WDR54: variants seen among roughly 807,000 people sequenced by gnomAD.
WDR54 encodes the protein WD repeat-containing protein 54.
WDR54 carries 44 observed loss-of-function variants against 44.1 expected under a neutral mutation model. That is an observed-to-expected ratio of 1.00 (90% CI 0.78 to 1.28). The LOEUF is 1.28. Ranked by LOEUF, WDR54 falls within the 50% of genes most tolerant of loss-of-function variation. The pLI, the probability that WDR54 is intolerant of heterozygous loss-of-function variation, is 0.00. For synonymous variants in WDR54, 169 were observed against 169.8 expected, an observed-to-expected ratio of 1.00 and a Z score of 0.04; for missense variants, 409 against 429.7, an observed-to-expected ratio of 0.95 and a Z score of 0.43.
chr2:74,422,108 G>A, intron 1 of WDR54, 45 bp from the exon 2 acceptor site: 2 of 1,589,930 alleles, frequency 1.3e-6, no homozygotes. Context: ...TCTCCGCTGC[G>A]TCTGTTTGTA....
chr2:74,422,604 A>G (rs1670167091), intron 2 of WDR54: 1 of 617,916 alleles, frequency 1.6e-6, no homozygotes, highest in Non-Finnish European at 2.8e-6. Context: ...AGCCTGGCCA[A>G]CATGGTGAAA....
At position 74,422,887 on chromosome 2, in the gene WDR54, C is replaced by A. The variant is rs1452483441; in HGVS notation, c.240C>A (p.Leu80=). ...PLITQVHWCV[L]PFRVLLVLTS... is the part of the protein sequence containing the mutation. ...CCCTCCAGGTCCACTGGTGTGTCCT[C>A]CCCTTCCGAGTGCTGCTGGTACTCA... Residue 80 remains leucine, a synonymous_variant, in exon 3 of 10, where the codon CTC becomes CTA. Coordinates refer to ENST00000348227, the MANE Select transcript of WDR54 (RefSeq NM_032118.4). 1 of 1,614,068 alleles carries A rather than the reference C, an allele frequency of 6.2e-7. No individual in the cohort carries two copies. Among genetic ancestry groups the A allele is most frequent in the African/African-American group, 1.3e-5 (1 of 74,992 alleles).
rs1000899475 is a variant in WDR54, at chr2:74,425,076, G to C, written c.637G>C (p.Val213Leu). The change falls in exon 8 of 10, where the codon GTT becomes CTT. Residue 213 changes from valine to leucine, a missense_variant and splice_region_variant. Transcript: ENST00000348227. Reference protein sequence around the residue: ...TLLTRIPGFGVPCPSVQLWQG... With the variant: ...TLLTRIPGFGLPCPSVQLWQG... Reference sequence around the variant, plus strand: ...CAAAGTTGGGTGTCACCCTTGCAGAGTTCCGTGCCCCTCTGTGCAGCTGTG... The same window carrying C: ...CAAAGTTGGGTGTCACCCTTGCAGACTTCCGTGCCCCTCTGTGCAGCTGTG... 6.2e-7 allele frequency: 1 copy of C among 1,607,370 alleles called. No individual in the cohort carries two copies.
rs560078827 is a variant in WDR54, at chr2:74,425,315, G to A, written c.798+78G>A. On this transcript the variant is annotated intron_variant, in intron 8 of 9. Coordinates refer to ENST00000348227, the MANE Select transcript of WDR54 (RefSeq NM_032118.4). Reference sequence around the variant, plus strand: ...GAGAGAACACCACAGGCTTGTCTTTGCAACTCAGTGTAGCCCCCTCCCCTG... The same window carrying A: ...GAGAGAACACCACAGGCTTGTCTTTACAACTCAGTGTAGCCCCCTCCCCTG... 112 of 1,563,404 alleles carry A rather than the reference G, an allele frequency of 7.2e-5. No homozygotes were observed. In the East Asian group the frequency reaches 2.5e-3, roughly 34 times the overall value.
rs778446745 is a variant in WDR54, at chr2:74,425,604, C to T, written c.908C>T (p.Thr303Ile). 3 of 1,614,230 alleles carry T rather than the reference C, an allele frequency of 1.9e-6. No individual in the cohort carries two copies. Among genetic ancestry groups the T allele is most frequent in the South Asian group, 1.1e-5 (1 of 91,086 alleles). ...TGTCATGGTGAGTGTGTCGCCGACA[C>T]CCAGCTGTGTGGTGCTCGATTTTGT... ...EHCHGECVAD[T>I]QLCGARFCDS... Residue 303 changes from threonine to isoleucine, a missense_variant, in exon 10 of 10, where the codon ACC becomes ATC. Transcript: ENST00000348227.
In WDR54 at chr2:74,424,935, G is replaced by A. The variant is rs745893629; in HGVS notation, c.595G>A (p.Gly199Arg). The change falls in exon 7 of 10, where the codon GGG becomes AGG. Residue 199 changes from glycine (G) to arginine (R), a missense_variant. By Grantham distance (125) the Gly-to-Arg change is moderately radical. Transcript: ENST00000348227. ...DSGLLCVWRSGPEFTLLTRIP... is the reference protein window; with the variant it reads ...DSGLLCVWRSRPEFTLLTRIP... Reference sequence around the variant, plus strand: ...AGGCTTGCTGTGTGTCTGGCGGTCAGGGCCAGAATTCACATTATTGACCCG... The same window carrying A: ...AGGCTTGCTGTGTGTCTGGCGGTCAAGGCCAGAATTCACATTATTGACCCG... The A allele has an allele frequency of 1.2e-6, 2 of 1,614,242 alleles. No homozygotes were observed. The highest frequency in any genetic ancestry group is 2.2e-5 in the South Asian group (2 of 91,080).
chr2:74,424,186 A>C (rs7607995), intron 6 of WDR54, among the ~76,000 whole-genome samples: 22,926 of 152,222 alleles, frequency 0.15, 2,115 homozygotes, highest in East Asian at 0.46. Context: ...AAGACTTTAT[A>C]ATACTGATGT....
In WDR54 at chr2:74,423,931, T is replaced by C; in HGVS notation, c.483T>C (p.Ala161=). 6.2e-7 allele frequency: 1 copy of C among 1,614,166 alleles called. No individual in the cohort carries two copies. The highest frequency in any genetic ancestry group is 8.5e-7 in the Non-Finnish European group (1 of 1,180,040). The stretch of plus-strand genomic sequence containing the variant: ...ACATTGTACTGAGCGAGGAGCTGGC[T>C]GGGCACCAGATGCCAATCACAGACA... ...GPNIVLSEEL[A]GHQMPITDIA... The change falls in exon 6 of 10, where the codon GCT becomes GCC. Residue 161 remains alanine, a synonymous_variant. Transcript: ENST00000348227.
rs1456280626 is a variant in WDR54, at chr2:74,423,333, T to C, written c.300T>C (p.Asn100=). Residue 100 remains asparagine, a synonymous_variant, in exon 4 of 10, where the codon AAT becomes AAC. Coordinates refer to ENST00000348227, the MANE Select transcript of WDR54 (RefSeq NM_032118.4). ...SHRGIQMYES[N]GYTMVYWHAL... The stretch of plus-strand genomic sequence containing the variant: ...CGGTCTTCCAGATGTACGAGTCCAA[T>C]GGCTACACCATGGTCTACTGGCATG... The C allele has an allele frequency of 1.2e-6, 2 of 1,613,902 alleles. No homozygotes were observed. The highest frequency in any genetic ancestry group is 1.7e-5 in the Admixed American group (1 of 60,038).
intron 8 of WDR54, 25 bp downstream of exon 8, chr2:74,425,262 A>G (rs753953472): frequency 7.8e-6 from 12 of 1,537,678 alleles, no homozygotes; most frequent in Non-Finnish European, 9.6e-6. Context: ...CTGTACCTAC[A>G]TACCCTTTTT....
rs776462356 is a variant in WDR54 at position 74,422,858 on chromosome 2, A to G, written c.223-12A>G. On this transcript the variant is annotated splice_polypyrimidine_tract_variant and intron_variant, in intron 2 of 9. Coordinates refer to ENST00000348227, the MANE Select transcript of WDR54 (RefSeq NM_032118.4). ...TTTGATTTTCTCCCTACACTGATGC[A>G]CCTCCCTCCAGGTCCACTGGTGTGT... 2 of 1,610,742 alleles carry G rather than the reference A, an allele frequency of 1.2e-6. No individual in the cohort carries two copies. The highest frequency in any genetic ancestry group is 1.1e-5 in the South Asian group (1 of 90,950).
chr2:74,425,504 G>A lies in WDR54; in HGVS notation c.873+13G>A, dbSNP rs1222073321. 1.2e-6 allele frequency: 2 copies of A among 1,614,218 alleles called. No individual in the cohort carries two copies. The highest frequency in any genetic ancestry group is 1.7e-5 in the Admixed American group (1 of 60,032). On this transcript the variant is annotated intron_variant, in intron 9 of 9. Coordinates refer to ENST00000348227, the MANE Select transcript of WDR54 (RefSeq NM_032118.4). ...TGGCTACATTGAGGTATGTGTCATG[G>A]GGTGGGTGGAATGGGGGGGCCCAAG...
chr2:74,421,894 T>A, intron 1 of WDR54, 78 bp downstream of exon 1: 1 of 618,962 alleles, frequency 1.6e-6, no homozygotes, highest in South Asian at 1.9e-5. Flanking sequence ...ATCACACTTA[T>A]TTGGCTCGCG....
chr2:74,424,852 G>A, intron 6 of WDR54, 23 bp from the exon 7 acceptor site: 2 of 1,614,030 alleles, frequency 1.2e-6, no homozygotes, highest in Non-Finnish European at 1.7e-6. Flanking sequence ...AAAGGGAAGG[G>A]TTGATCTTGC....
chr2:74,424,805 C>A (rs1670286009), intron 6 of WDR54, 70 bp from the exon 7 acceptor site: 1 of 1,585,138 alleles, frequency 6.3e-7, no homozygotes, highest in Non-Finnish European at 8.7e-7. Context: ...TGCCTCCCTT[C>A]CCCTCCTGCC....
Position 74,422,296 on chromosome 2 carries a change from C to T in WDR54, c.143C>T (p.Ala48Val). Residue 48 changes from alanine (A) to valine (V), a missense_variant, in exon 2 of 10, where the codon GCT (alanine) becomes GTT (valine). Ala to Val is a moderately conservative substitution (Grantham distance 64). Transcript: ENST00000348227. ...CCAAGCGCCCAGCTTCTCAGCGCTG[C>T]TCCTGAGGGTGTGCCCTTGGCCCAG... is the stretch of plus-strand genomic sequence containing the variant. ...HGPSAQLLSAAPEGVPLAQRQ... is the reference protein window; with the variant it reads ...HGPSAQLLSAVPEGVPLAQRQ... 1.2e-6 allele frequency: 2 copies of T among 1,614,232 alleles called. No homozygotes were observed. Among genetic ancestry groups the T allele is most frequent in the Non-Finnish European group, 1.7e-6 (2 of 1,180,044 alleles).
rs148741393 is a variant in WDR54, at chr2:74,421,785, C to T, written c.-33C>T. ...GCGGATTTGGAGGGACCCTACGAACCAGGAGTCAGGCGAGCCGATCTGGGG... is the reference window on the plus strand; with the variant it reads ...GCGGATTTGGAGGGACCCTACGAACTAGGAGTCAGGCGAGCCGATCTGGGG... On this transcript the variant is annotated 5_prime_UTR_variant, in exon 1 of 10. Transcript: ENST00000348227. The T allele has an allele frequency of 4.5e-6, 3 of 673,734 alleles. No individual in the cohort carries two copies. The highest frequency in any genetic ancestry group is 1.6e-5 in the South Asian group (1 of 60,744). The allele number at this position is 673,734 out of a possible 1,614,324, so 41.7% of individuals were successfully genotyped here.
At chr2:74,423,003 C>T in intron 3 of WDR54, 71 bp downstream of exon 3, 1 of 1,508,622 alleles carries the variant, frequency 6.6e-7, no homozygotes, top group South Asian at 1.1e-5. Flanking sequence ...CCAGACTTTC[C>T]CACTTGCCTC....
At chr2:74,422,807 AAAAC>A (rs1670180320) in intron 2 of WDR54, 59 bp from the exon 3 acceptor site, 5 of 1,453,066 alleles carry the variant, frequency 3.4e-6, no homozygotes, top group Non-Finnish European at 4.7e-6. Context: ...AAAAAAAAAA[AAAAC>A]AAACAAACTC....
Sources: allele counts gnomAD v4.1 joint callset (sites outside exome capture counted in the v4.1 genomes callset), GRCh38; gene constraint gnomAD v4.1.1; transcripts MANE v1.5; gene names NCBI Gene and HGNC (gene_info 2026-07-23, HGNC 2026-07-21).